PLB1: variants seen among roughly 807,000 people sequenced by gnomAD.
PLB1 encodes the protein phospholipase B1, membrane-associated.
A neutral mutation model predicts 227.4 loss-of-function variants in PLB1; 242 were observed. The ratio of observed to expected loss-of-function variants is 1.06; its 90% CI spans 0.96 to 1.18. The LOEUF is 1.18. Ranked by LOEUF, PLB1 falls within the 50% of genes most tolerant of loss-of-function variation. The probability of loss-of-function intolerance (pLI) is 0.00; values close to 1 mark genes in which losing one functional copy is unlikely to be tolerated. For synonymous variants in PLB1, 757 were observed against 682.2 expected (o/e 1.11, Z -1.71); for missense variants, 1,858 against 1,816.3 (o/e 1.02, Z -0.42).
intron 1 of PLB1, among the ~76,000 whole-genome samples, chr2:28,516,584 T>A (rs12714235): frequency 4.6e-5 from 7 of 151,942 alleles, no homozygotes; most frequent in East Asian, 1.9e-4. Context: ...ACACTTTTGC[T>A]TTTTCACCTG....
chr2:28,585,818 C>T lies in PLB1; in HGVS notation c.1791C>T (p.Leu597=), dbSNP rs138469923. 6.2e-6 allele frequency: 10 copies of T among 1,610,864 alleles called. No individual in the cohort carries two copies. In the African/African-American group the frequency reaches 1.3e-4, roughly 22 times the overall value. ...ATAACTCAACAGAACTTGCTACCCTCATCGAATTCAACAAGAAGTTTCAGG... is the reference window on the plus strand; with the variant it reads ...ATAACTCAACAGAACTTGCTACCCTTATCGAATTCAACAAGAAGTTTCAGG... ...FDDNSTELAT[L]IEFNKKFQEK... The change falls in exon 26 of 58, where the codon CTC becomes CTT. Residue 597 remains leucine, a synonymous_variant. Coordinates refer to ENST00000327757, the MANE Select transcript of PLB1 (RefSeq NM_153021.5).
intron 49 of PLB1, among the ~76,000 whole-genome samples, chr2:28,624,268 A>ATAGAT (rs1264919728): frequency 2.0e-5 from 3 of 152,174 alleles, no homozygotes; most frequent in African/African-American, 7.2e-5. Context: ...TTCCATCACA[A>ATAGAT]TAGATTAGTT....
intron 1 of PLB1, among the ~76,000 whole-genome samples, chr2:28,506,201 G>A (rs747704063): frequency 6.6e-6 from 1 of 152,160 alleles, no homozygotes; most frequent in Non-Finnish European, 1.5e-5. Flanking sequence ...GAAAGGAGCC[G>A]CATAAAATCA....
chr2:28,625,143 G>A (rs374655946), intron 50 of PLB1, 35 bp downstream of exon 50: 25 of 1,591,716 alleles, frequency 1.6e-5, no homozygotes, highest in Non-Finnish European at 3.4e-6. Context: ...CCTGAAAGGT[G>A]CCCATCTCCT....
rs1688852298 is a variant in PLB1, at chr2:28,633,017, C to T, written c.4076C>T (p.Ala1359Val). ...HFSDRGHAEM[A>V]IALWNNMLEP... Reference sequence around the variant, plus strand: ...TCAGACCGCGGGCATGCCGAGATGGCCATCGCACTCTGGAACAACATGGTG... The same window carrying T: ...TCAGACCGCGGGCATGCCGAGATGGTCATCGCACTCTGGAACAACATGGTG... The change falls in exon 56 of 58, where the codon GCC becomes GTC. Residue 1359 changes from alanine to valine, a missense_variant. By Grantham distance (64) the Ala-to-Val change is moderately conservative (BLOSUM62 0). Transcript: ENST00000327757. 6.2e-7 allele frequency: 1 copy of T among 1,611,452 alleles called. No individual in the cohort carries two copies. Among genetic ancestry groups the T allele is most frequent in the Non-Finnish European group, 8.5e-7 (1 of 1,179,962 alleles).
At chr2:28,603,328 A>G (rs1684191660) in intron 39 of PLB1, among the ~76,000 whole-genome samples, 1 of 152,244 alleles carries the variant, frequency 6.6e-6, no homozygotes, top group Admixed American at 6.5e-5. Flanking sequence ...GGAGGGACAC[A>G]GGGAGCTTCA....
chr2:28,604,720 G>A lies in PLB1; in HGVS notation c.2922G>A (p.Leu974=), dbSNP rs1178697411. The A allele has an allele frequency of 1.9e-6, 3 of 1,614,166 alleles. No individual in the cohort carries two copies. The highest frequency in any genetic ancestry group is 4.5e-5 in the East Asian group (2 of 44,870). The change falls in exon 41 of 58, where the codon CTG becomes CTA. Residue 974 remains leucine, a synonymous_variant. Coordinates refer to ENST00000327757, the MANE Select transcript of PLB1 (RefSeq NM_153021.5). ...CGCAGGAGGACTTCTCTGTGGTGCT[G>A]CAGCCCTTCTTCCAGAACATCCAGC... The part of the protein sequence containing the change: ...YDTQEDFSVV[L]QPFFQNIQLP...
chr2:28,593,874 G>A (rs1322158564), intron 33 of PLB1, 120 bp downstream of exon 33: 1 of 863,994 alleles, frequency 1.2e-6, no homozygotes, highest in African/African-American at 1.7e-5. Context: ...GGGGCTTTCA[G>A]AAAGAAAAAG....
rs375057019 is a variant in PLB1 at position 28,601,005 on chromosome 2, G to A, written c.2526+145G>A. The A allele has an allele frequency of 1.3e-4, 100 of 794,364 alleles. No homozygotes were observed. The East Asian group carries it at 2.1e-3, about 17-fold the overall frequency. The allele number at this position is 794,364 out of a possible 1,614,324, so 49.2% of individuals were successfully genotyped here. ...GTGGTCGGACAGCCCCCTGACAGAG[G>A]TCCTGTGGAGGAGGGTATGTCAATG... On this transcript the variant is annotated intron_variant, in intron 36 of 57. Transcript: ENST00000327757.
At chr2:28,603,783 C>G (rs1313386863) in intron 39 of PLB1, among the ~76,000 whole-genome samples, 183 bp from the exon 40 acceptor site, 1 of 152,228 alleles carries the variant, frequency 6.6e-6, no homozygotes, top group African/African-American at 2.4e-5. Flanking sequence ...CGGGCCATCT[C>G]CAGTGCCCCT....
chr2:28,578,173 T>C lies in PLB1; in HGVS notation c.1485+15T>C. ...AGAATGACACGGTGGGTCCCTGGGA[T>C]GGGAAGTAGGCAGGAAAAATCCCTG... On this transcript the variant is annotated intron_variant, in intron 22 of 57. Coordinates refer to ENST00000327757, the MANE Select transcript of PLB1 (RefSeq NM_153021.5). 6.2e-7 allele frequency: 1 copy of C among 1,612,888 alleles called. No individual in the cohort carries two copies. Among genetic ancestry groups the C allele is most frequent in the Non-Finnish European group, 8.5e-7 (1 of 1,179,210 alleles).
chr2:28,591,164 G>A lies in PLB1; in HGVS notation c.2120G>A (p.Ser707Asn). The stretch of plus-strand genomic sequence containing the variant: ...CCGTTTCTGAGGACCTACAAGAACA[G>A]CATGCAGGTACCTGCCTCTTGCCTC... ...VQPFLRTYKN[S>N]MQGHGTWLPC... The change falls in exon 30 of 58, where the codon AGC becomes AAC. Residue 707 changes from serine (S) to asparagine (N), a missense_variant. By Grantham distance (46) the Ser-to-Asn change is conservative. Transcript: ENST00000327757. 2.5e-6 allele frequency: 4 copies of A among 1,614,194 alleles called. No individual in the cohort carries two copies. Among genetic ancestry groups the A allele is most frequent in the South Asian group, 1.1e-5 (1 of 91,084 alleles).
In PLB1 at chr2:28,629,327, G is replaced by A. The variant is rs551363469; in HGVS notation, c.3818+142G>A. On this transcript the variant is annotated intron_variant, in intron 53 of 57. Transcript: ENST00000327757. ...TGGCTCAGGGGCTTGGACAACATCA[G>A]GAAGTACCTCTACATTTGCAAATGC... 9.6e-6 allele frequency: 6 copies of A among 623,206 alleles called. No individual in the cohort carries two copies. In the South Asian group the frequency reaches 1.1e-4, roughly 12 times the overall value. The allele number at this position is 623,206 out of a possible 1,614,324, so 38.6% of individuals were successfully genotyped here.
intron 56 of PLB1, among the ~76,000 whole-genome samples, chr2:28,633,621 A>T (rs1045370297): frequency 6.6e-6 from 1 of 152,192 alleles, no homozygotes; most frequent in Admixed American, 6.5e-5. Context: ...GTCCTTTCTG[A>T]TGGGAAGAAG....
Position 28,536,823 on chromosome 2 carries a change from C to T in PLB1, c.556-1496C>T, listed in dbSNP as rs1475538559. Among the ~76,000 whole-genome samples, 5 of 152,134 alleles carry T rather than the reference C, an allele frequency of 3.3e-5. No individual in the cohort carries two copies. The East Asian group carries it at 7.7e-4, about 23-fold the overall frequency. ...AAATGGGGACAGTTGGTGTCCCGAG[C>T]GACAACCATGCAGTGCCTGGAATGA... On this transcript the variant is annotated intron_variant, in intron 9 of 57. Transcript: ENST00000327757.
intron 15 of PLB1, among the ~76,000 whole-genome samples, chr2:28,549,350 T>A (rs1673820202): frequency 2.0e-5 from 3 of 151,860 alleles, no homozygotes; most frequent in Admixed American, 2.0e-4. Flanking sequence ...AGTAGGCTTA[T>A]AATTAATGTT....
intron 33 of PLB1, chr2:28,594,024 A>G: frequency 1.4e-6 from 1 of 719,626 alleles, no homozygotes; most frequent in Non-Finnish European, 2.6e-6. Context: ...ATCCAACAGG[A>G]AATGCACCAG....
chr2:28,636,019 A>ATGTGTGTGTGTGTG (rs540787508), intron 56 of PLB1, among the ~76,000 whole-genome samples: 3 of 98,284 alleles, frequency 3.1e-5, no homozygotes, highest in Non-Finnish European at 6.9e-5. Flanking sequence ...GTATGTATGA[A>ATGTGTGTGTGTGTG]TGTGTGTGTA....
intron 20 of PLB1, among the ~76,000 whole-genome samples, chr2:28,567,360 CAGG>C (rs2148245941): frequency 6.6e-6 from 1 of 152,034 alleles, no homozygotes; most frequent in South Asian, 2.1e-4. Flanking sequence ...GCTATTGCCG[CAGG>C]AGGAGATGAA....
Sources: allele counts gnomAD v4.1 joint callset (sites outside exome capture counted in the v4.1 genomes callset), GRCh38; gene constraint gnomAD v4.1.1; transcripts MANE v1.5; gene names NCBI Gene and HGNC (gene_info 2026-07-23, HGNC 2026-07-21).